GNAT3: variants seen among roughly 807,000 people sequenced by gnomAD.
The protein encoded by GNAT3 is G protein subunit alpha transducin 3.
GNAT3 carries 31 observed loss-of-function variants against 37.7 expected under a neutral mutation model. The ratio of observed to expected loss-of-function variants is 0.82; its 90% confidence interval spans 0.62 to 1.11. GNAT3 has a LOEUF of 1.11. Ranked by LOEUF, GNAT3 falls within the 50% of genes most tolerant of loss-of-function variation. GNAT3 has a pLI of 0.00. For missense variants in GNAT3, 437 were observed against 412.5 expected (o/e 1.06, Z -0.51); for synonymous variants, 138 against 139.8 (o/e 0.99, Z 0.09).
At chr7:80,469,142 C>T (rs1421853953) in intron 5 of GNAT3, among the ~76,000 whole-genome samples, 1 of 152,112 alleles carries the variant, frequency 6.6e-6, no homozygotes, top group African/African-American at 2.4e-5. Context: ...CCACGATATA[C>T]ACAATTCAAC....
chr7:80,464,807 A>G (rs1364666869), intron 5 of GNAT3, among the ~76,000 whole-genome samples: 1 of 152,138 alleles, frequency 6.6e-6, no homozygotes, highest in African/African-American at 2.4e-5. Context: ...AGATATATAT[A>G]ACTAATATTC....
In GNAT3 at chr7:80,490,784, T is replaced by C. The variant is rs139065269; in HGVS notation, c.162-2108A>G. On this transcript the variant is annotated intron_variant, in intron 2 of 7. Transcript: ENST00000398291. The stretch of plus-strand genomic sequence containing the variant: ...AAATTAAGCAAATACCCCCAACTTA[T>C]TCAGTTAGTTTGTGATACACCTGGG... 6.7e-3 allele frequency among the ~76,000 whole-genome samples: 1,020 copies of C among 152,312 alleles called. 10 individuals carry two copies. The highest frequency in any genetic ancestry group is 0.023 in the African/African-American group (952 of 41,570).
rs1160069852 is a variant in GNAT3, at chr7:80,497,567, TATATAC to T, written c.119-2926_119-2921del. On this transcript the variant is annotated intron_variant, in intron 1 of 7. Coordinates refer to ENST00000398291, the MANE Select transcript of GNAT3 (RefSeq NM_001102386.3). ...ACACATATACGTATATACATATACG[TATATAC>T]ATATACGTATATACATATACGTATA... 7.9e-3 allele frequency among the ~76,000 whole-genome samples: 1,127 copies of T among 142,222 alleles called. 59 individuals are homozygous for T. The highest frequency in any genetic ancestry group is 0.027 in the African/African-American group (1,071 of 39,106). The allele number at this position is 142,222 out of a possible 152,430, so 93.3% of individuals were successfully genotyped here.
intron 2 of GNAT3, among the ~76,000 whole-genome samples, chr7:80,491,551 C>T (rs559391268): frequency 3.3e-5 from 5 of 152,090 alleles, no homozygotes; most frequent in African/African-American, 1.2e-4. Context: ...TAAATGTAGT[C>T]AGAGATAGAG....
In GNAT3 at chr7:80,473,505, A is replaced by G. The variant is rs374008727; in HGVS notation, c.590+746T>C. On this transcript the variant is annotated intron_variant, in intron 5 of 7. Coordinates refer to ENST00000398291, the MANE Select transcript of GNAT3 (RefSeq NM_001102386.3). ...TATTCTCATTGTTTGATACAAGAGTAATTTTATTAGTTATATTTTTATTGA... is the reference window on the plus strand; with the variant it reads ...TATTCTCATTGTTTGATACAAGAGTGATTTTATTAGTTATATTTTTATTGA... 1.6e-3 allele frequency among the ~76,000 whole-genome samples: 236 copies of G among 152,218 alleles called. 8 individuals are homozygous for G. In the South Asian group the frequency reaches 0.047, roughly 31 times the overall value.
In GNAT3 at chr7:80,481,762, C is replaced by A. The variant is rs1790395474; in HGVS notation, c.304-2764G>T. Reference sequence around the variant, plus strand: ...CCATCTATTGCCTCTAAGGGTGCCACCTATGAGGCTTCATCTACATAATAA... The same window carrying A: ...CCATCTATTGCCTCTAAGGGTGCCAACTATGAGGCTTCATCTACATAATAA... On this transcript the variant is annotated intron_variant, in intron 3 of 7. Coordinates refer to ENST00000398291, the MANE Select transcript of GNAT3 (RefSeq NM_001102386.3). Among the ~76,000 whole-genome samples the A allele has an allele frequency of 3.3e-5, 5 of 152,046 alleles. No individual in the cohort carries two copies. The South Asian group carries it at 1.0e-3, about 31-fold the overall frequency.
At chr7:80,474,801 A>T (rs1790278227) in intron 4 of GNAT3, among the ~76,000 whole-genome samples, 1 of 152,184 alleles carries the variant, frequency 6.6e-6, no homozygotes, top group African/African-American at 2.4e-5. Context: ...GGATCATTAC[A>T]AAACTAAAAG....
chr7:80,497,566 GTA>G lies in GNAT3; in HGVS notation c.119-2921_119-2920del, dbSNP rs1340722746. Among the ~76,000 whole-genome samples the G allele has an allele frequency of 8.9e-3, 1,211 of 136,700 alleles. 29 individuals are homozygous for G. Among genetic ancestry groups the G allele is most frequent in the Non-Finnish European group, 0.013 (826 of 61,842 alleles). The allele number at this position is 136,700 out of a possible 152,430, so 89.7% of individuals were successfully genotyped here. ...TACACATATACGTATATACATATAC[GTA>G]TATACATATACGTATATACATATAC... On this transcript the variant is annotated intron_variant, in intron 1 of 7. Coordinates refer to ENST00000398291, the MANE Select transcript of GNAT3 (RefSeq NM_001102386.3).
Position 80,478,832 on chromosome 7 carries a change from T to C in GNAT3, c.461+9A>G. 1 of 1,611,278 alleles carries C rather than the reference T, an allele frequency of 6.2e-7. No homozygotes were observed. The highest frequency in any genetic ancestry group is 8.5e-7 in the Non-Finnish European group (1 of 1,178,266). ...TACCTCCAATTCCCCTTAAAGTGAA[T>C]TCACTTACTAAGCTGCTGAGTCATT... On this transcript the variant is annotated intron_variant, in intron 4 of 7. Coordinates refer to ENST00000398291, the MANE Select transcript of GNAT3 (RefSeq NM_001102386.3).
At chr7:80,497,345 G>T (rs574318205) in intron 1 of GNAT3, among the ~76,000 whole-genome samples, 35 of 152,086 alleles carry the variant, frequency 2.3e-4, no homozygotes, top group Middle Eastern at 3.4e-3. Flanking sequence ...AGTCTGGTTT[G>T]CTGGCTTTAA....
chr7:80,471,340 C>T (rs981177316), intron 5 of GNAT3, among the ~76,000 whole-genome samples: 2 of 151,592 alleles, frequency 1.3e-5, no homozygotes, highest in African/African-American at 4.8e-5. Flanking sequence ...CACCCAAGAT[C>T]AATACTTTTT....
chr7:80,483,817 T>C (rs1790431889), intron 3 of GNAT3, among the ~76,000 whole-genome samples: 5 of 152,166 alleles, frequency 3.3e-5, no homozygotes, highest in Admixed American at 6.6e-5. Flanking sequence ...AATCATCCTT[T>C]CTGCCACATT....
chr7:80,511,759 C>A (rs373920911), intron 1 of GNAT3, 50 bp downstream of exon 1: 5 of 1,055,254 alleles, frequency 4.7e-6, no homozygotes, highest in Admixed American at 4.0e-5. Flanking sequence ...AAATATATCA[C>A]AATTGAAAAA....
At chr7:80,473,283 G>C (rs6966209) in intron 5 of GNAT3, among the ~76,000 whole-genome samples, 1 of 151,932 alleles carries the variant, frequency 6.6e-6, no homozygotes. Context: ...GAGTTTTTCC[G>C]TATTAGTTGA....
chr7:80,505,115 G>T (rs1386418606), intron 1 of GNAT3, among the ~76,000 whole-genome samples: 1 of 152,140 alleles, frequency 6.6e-6, no homozygotes, highest in Non-Finnish European at 1.5e-5. Flanking sequence ...AAGAAAATCA[G>T]TTGGGAGAAG....
chr7:80,494,612 G>T lies in GNAT3; in HGVS notation c.154C>A (p.Gln52Lys). Residue 52 changes from glutamine (Q) to lysine (K), a missense_variant, in exon 2 of 8, where the codon CAA (glutamine) becomes AAA (lysine). Gln to Lys is a moderately conservative substitution (Grantham distance 53). Transcript: ENST00000398291. ...AGACAGATGTATACCTACTTCATTT[G>T]TTTAACAATAGTACTTTTCCCAGAT... ...GESGKSTIVKQMKIIHKNGYS... is the reference protein window; with the variant it reads ...GESGKSTIVKKMKIIHKNGYS... 1 of 1,520,778 alleles carries T rather than the reference G, an allele frequency of 6.6e-7. No individual in the cohort carries two copies. Among genetic ancestry groups the T allele is most frequent in the Non-Finnish European group, 9.0e-7 (1 of 1,109,994 alleles). The allele number at this position is 1,520,778 out of a possible 1,614,324, so 94.2% of individuals were successfully genotyped here. A position where few individuals can be genotyped will look rare whatever the true frequency, so the allele number is the denominator to read the frequency against.
chr7:80,509,142 T>A (rs2116237232), intron 1 of GNAT3, among the ~76,000 whole-genome samples: 1 of 152,056 alleles, frequency 6.6e-6, no homozygotes, highest in East Asian at 1.9e-4. Flanking sequence ...TTGGTTTAGT[T>A]CAACTAAGCA....
intron 2 of GNAT3, among the ~76,000 whole-genome samples, chr7:80,493,903 ACCT>A (rs1790662262): frequency 9.7e-6 from 1 of 103,130 alleles, no homozygotes; most frequent in Admixed American, 1.2e-4. Flanking sequence ...TCCTCTCTGC[ACCT>A]CCTCCTCCTT....
chr7:80,490,100 C>A (rs1369884405), intron 2 of GNAT3, among the ~76,000 whole-genome samples: 2 of 152,112 alleles, frequency 1.3e-5, no homozygotes, highest in Admixed American at 6.6e-5. Context: ...AATTAATAAG[C>A]TTTTACTGTG....
Sources: gnomAD v4.1 joint callset for allele counts (sites outside exome capture counted in the v4.1 genomes callset) on GRCh38, gnomAD v4.1.1 for gene constraint, MANE v1.5 for transcripts, NCBI Gene and HGNC (gene_info 2026-07-23, HGNC 2026-07-21) for gene names.